SYNPO2: variants seen among roughly 807,000 people sequenced by gnomAD.
The protein encoded by SYNPO2 is synaptopodin 2.
Under a neutral mutation model 85.0 loss-of-function variants are expected in SYNPO2, and 56 were observed. The ratio of observed to expected loss-of-function variants is 0.66; its 90% CI spans 0.53 to 0.82. The LOEUF is 0.82. Ranked by LOEUF, SYNPO2 falls within the 40% of genes least tolerant of loss-of-function variation. SYNPO2 has a pLI of 0.00. For synonymous variants in SYNPO2, 602 were observed against 591.1 expected (o/e 1.02, Z -0.27); for missense variants, 1,575 against 1,534.2 (o/e 1.03, Z -0.44).
intron 2 of SYNPO2, among the ~76,000 whole-genome samples, chr4:119,025,381 GA>G (rs1737896007): frequency 6.6e-6 from 1 of 151,952 alleles, no homozygotes; most frequent in African/African-American, 2.4e-5. Flanking sequence ...TTTTTAATAC[GA>G]TATTATAATG....
rs1483840740 is a variant in SYNPO2, at chr4:119,030,713, C to G, written c.1938C>G (p.Pro646=). Residue 646 remains proline, a synonymous_variant, in exon 4 of 5, where the codon CCC becomes CCG. Coordinates refer to ENST00000307142, the MANE Select transcript of SYNPO2 (RefSeq NM_133477.3). ...VSSPIAGPAQ[P]PPWPQPAPWS... ...GTCCGATTGCTGGCCCAGCACAGCC[C>G]CCTCCATGGCCCCAGCCTGCCCCGT... is the stretch of plus-strand genomic sequence containing the variant. 1 of 1,614,164 alleles carries G rather than the reference C, an allele frequency of 6.2e-7. No homozygotes were observed. Among genetic ancestry groups the G allele is most frequent in the Non-Finnish European group, 8.5e-7 (1 of 1,180,032 alleles).
chr4:118,892,746 A>T (rs1325217819), intron 1 of SYNPO2, among the ~76,000 whole-genome samples: 8 of 152,144 alleles, frequency 5.3e-5, no homozygotes, highest in Non-Finnish European at 1.2e-4. Flanking sequence ...TTCAAATCTT[A>T]TGCACCACTA....
intron 1 of SYNPO2, among the ~76,000 whole-genome samples, chr4:118,921,902 C>T (rs373437934): frequency 6.6e-6 from 1 of 152,088 alleles, no homozygotes; most frequent in African/African-American, 2.4e-5. Context: ...CTCCAGATAG[C>T]CAGTCTTGGC....
At chr4:118,858,436 C>T (rs1040845120) in intron 1 of SYNPO2, among the ~76,000 whole-genome samples, 5 of 152,180 alleles carry the variant, frequency 3.3e-5, no homozygotes, top group Admixed American at 1.3e-4. Context: ...CTGATGGATT[C>T]CTGTTTTGTT....
chr4:118,878,122 G>T (rs912940249), intron 1 of SYNPO2, among the ~76,000 whole-genome samples: 1 of 152,098 alleles, frequency 6.6e-6, no homozygotes, highest in Non-Finnish European at 1.5e-5. Context: ...ACCAAGTATC[G>T]CATGTTCTCG....
chr4:118,899,445 A>T (rs1022339857), intron 1 of SYNPO2, among the ~76,000 whole-genome samples: 1 of 152,124 alleles, frequency 6.6e-6, no homozygotes, highest in Non-Finnish European at 1.5e-5. Context: ...ACTTTTTCAG[A>T]TTTTGAAAAT....
chr4:119,031,051 T>C lies in SYNPO2; in HGVS notation c.2276T>C (p.Val759Ala). The C allele has an allele frequency of 6.2e-7, 1 of 1,614,094 alleles. No individual in the cohort carries two copies. The highest frequency in any genetic ancestry group is 8.5e-7 in the Non-Finnish European group (1 of 1,180,010). Reference sequence around the variant, plus strand: ...GCCAAACAAAAGACCCCTCCTCCTGTTGCTCCAAAACCTGCAGTCAAGTCC... The same window carrying C: ...GCCAAACAAAAGACCCCTCCTCCTGCTGCTCCAAAACCTGCAGTCAAGTCC... ...SSAKQKTPPPVAPKPAVKSSS... is the reference protein window; with the variant it reads ...SSAKQKTPPPAAPKPAVKSSS... The change falls in exon 4 of 5, where the codon GTT becomes GCT. Residue 759 changes from valine (V) to alanine (A), a missense_variant. Coordinates refer to ENST00000307142, the MANE Select transcript of SYNPO2 (RefSeq NM_133477.3).
At chr4:118,865,208 G>GA (rs1224702602) in intron 1 of SYNPO2, among the ~76,000 whole-genome samples, 1 of 152,208 alleles carries the variant, frequency 6.6e-6, no homozygotes, top group Non-Finnish European at 1.5e-5. Context: ...CTACGCACTG[G>GA]AATCAGCAGC....
At chr4:118,926,993 G>C (rs1449574812) in intron 1 of SYNPO2, among the ~76,000 whole-genome samples, 1 of 152,104 alleles carries the variant, frequency 6.6e-6, no homozygotes, top group African/African-American at 2.4e-5. Flanking sequence ...CCTGCGTAGG[G>C]CACCCCTGCT....
At chr4:118,899,471 TGG>T (rs1732649291) in intron 1 of SYNPO2, among the ~76,000 whole-genome samples, 1 of 152,180 alleles carries the variant, frequency 6.6e-6, no homozygotes, top group Admixed American at 6.5e-5. Flanking sequence ...TGTGACCCCA[TGG>T]GGTACAATGA....
Position 118,900,737 on chromosome 4 carries a change from G to GTCTATCTATCTA in SYNPO2, c.105+11599_105+11600insATCTATCTATCT, listed in dbSNP as rs1188372176. 1.3e-4 allele frequency among the ~76,000 whole-genome samples: 11 copies of GTCTATCTATCTA among 82,220 alleles called. No individual in the cohort carries two copies. In the East Asian group the frequency reaches 1.8e-3, roughly 14 times the overall value. 53.9% of individuals were successfully genotyped at this position (82,220 alleles called of 152,430 possible). A position where few individuals can be genotyped will look rare whatever the true frequency, so the allele number is the denominator to read the frequency against. On this transcript the variant is annotated intron_variant, in intron 1 of 4. Transcript: ENST00000307142. The stretch of plus-strand genomic sequence containing the variant: ...TATATATATATATATATATATGTCT[G>GTCTATCTATCTA]TCTGTCTATCTATCTATCTATCTAT...
intron 1 of SYNPO2, among the ~76,000 whole-genome samples, chr4:118,857,646 A>G (rs1731529744): frequency 6.6e-6 from 1 of 152,244 alleles, no homozygotes; most frequent in Admixed American, 6.5e-5. Flanking sequence ...ACAGATTAAC[A>G]TAACATGAAA....
intron 1 of SYNPO2, among the ~76,000 whole-genome samples, chr4:118,934,698 A>G (rs1734042990): frequency 6.6e-6 from 1 of 152,236 alleles, no homozygotes; most frequent in Non-Finnish European, 1.5e-5. Flanking sequence ...TAGAAATAGA[A>G]TGAGACTTTA....
intron 1 of SYNPO2, among the ~76,000 whole-genome samples, chr4:119,007,610 A>C (rs977911991): frequency 6.6e-6 from 1 of 152,044 alleles, no homozygotes; most frequent in African/African-American, 2.4e-5. Context: ...ACTCTTGGGA[A>C]CCAAATCCAC....
chr4:118,999,898 A>G (rs1223894459), intron 1 of SYNPO2, among the ~76,000 whole-genome samples: 1 of 152,244 alleles, frequency 6.6e-6, no homozygotes, highest in East Asian at 1.9e-4. Flanking sequence ...GAGATGTTCA[A>G]TACCACCGTG....
upstream of SYNPO2, among the ~76,000 whole-genome samples, chr4:118,886,468 G>C (rs186336524): frequency 2.4e-4 from 36 of 152,202 alleles, 1 homozygote; most frequent in African/African-American, 7.9e-4. Context: ...TGTTCTCATT[G>C]TTCAACTCCC....
intron 1 of SYNPO2, among the ~76,000 whole-genome samples, chr4:118,950,755 G>A (rs912255756): frequency 1.3e-5 from 2 of 152,150 alleles, no homozygotes; most frequent in Non-Finnish European, 2.9e-5. Flanking sequence ...TGGTTAGTGA[G>A]GTCCCACATG....
At chr4:118,991,564 A>T (rs1380879452) in intron 1 of SYNPO2, among the ~76,000 whole-genome samples, 1 of 152,210 alleles carries the variant, frequency 6.6e-6, no homozygotes, top group African/African-American at 2.4e-5. Flanking sequence ...ATCAAAGTCT[A>T]AGATTGAAGT....
chr4:118,862,640 A>G (rs765264097), intron 1 of SYNPO2, among the ~76,000 whole-genome samples: 5 of 152,172 alleles, frequency 3.3e-5, no homozygotes, highest in Admixed American at 6.5e-5. Context: ...ATTGATTTGC[A>G]TATGTTGAAC....
Sources: allele counts gnomAD v4.1 joint callset (sites outside exome capture counted in the v4.1 genomes callset), GRCh38; gene constraint gnomAD v4.1.1; transcripts MANE v1.5; gene names NCBI Gene and HGNC (gene_info 2026-07-23, HGNC 2026-07-21).